The following RIC8A variants were observed in gnomAD, a reference collection of about 807,000 sequenced individuals.
RIC8A encodes RIC8 guanine nucleotide exchange factor A.
Under a neutral mutation model 48.4 loss-of-function variants are expected in RIC8A, and 37 were observed. That is an observed-to-expected ratio of 0.77 (90% CI 0.59 to 1.01). The LOEUF (loss-of-function observed/expected upper bound fraction) is 1.01, where lower values mean the gene tolerates loss of function less well. Among genes scored for constraint, RIC8A ranks in the 50% least tolerant of loss-of-function variants. The pLI is 0.00. For missense variants in RIC8A, 681 were observed against 696.8 expected (o/e 0.98, Z 0.25); for synonymous variants, 288 against 283.4 (o/e 1.02, Z -0.16).
In RIC8A at chr11:211,186, C is replaced by A. The variant is rs761403818; in HGVS notation, c.819-13C>A. 2 of 1,609,568 alleles carry A rather than the reference C, an allele frequency of 1.2e-6. No homozygotes were observed. The highest frequency in any genetic ancestry group is 1.1e-5 in the South Asian group (1 of 90,476). ...TTAGCCCTGTTGAAACCCCTACCTC[C>A]ATCTGTCCCCAGCCACGCAGTGAAC... On this transcript the variant is annotated splice_polypyrimidine_tract_variant and intron_variant, in intron 4 of 9. Coordinates refer to ENST00000526104, the MANE Select transcript of RIC8A (RefSeq NM_001286134.2). This position sits in a 1 kb window ranked among gnomAD's most constrained non-coding sequence, Gnocchi z 4.0.
chr11:212,299 T>A, intron 5 of RIC8A, 117 bp from the exon 6 acceptor site: 1 of 1,031,068 alleles, frequency 9.7e-7, no homozygotes. Context: ...CCCAAACCTC[T>A]GCCGCCAGGA....
Position 211,591 on chromosome 11 carries a change from G to C in RIC8A, c.969+242G>C. 4.5e-6 allele frequency: 2 copies of C among 444,650 alleles called. No individual in the cohort carries two copies. The highest frequency in any genetic ancestry group is 8.0e-6 in the Non-Finnish European group (2 of 248,700). The allele number at this position is 444,650 out of a possible 1,614,324, so 27.5% of individuals were successfully genotyped here. ...AGGTTTCACTTCTTAAATCTTTGGG[G>C]ATCTTTACTGAGTGGTCCAGAGAAG... On this transcript the variant is annotated intron_variant, in intron 5 of 9. Coordinates refer to ENST00000526104, the MANE Select transcript of RIC8A (RefSeq NM_001286134.2). This position sits in a 1 kb window ranked among gnomAD's most constrained non-coding sequence, Gnocchi z 4.0.
chr11:213,822 C>T, intron 9 of RIC8A: 2 of 247,470 alleles, frequency 8.1e-6, no homozygotes, highest in Non-Finnish European at 1.6e-5. Context: ...TGGTGGGCGC[C>T]TGTAGTCCCA....
chr11:211,156 A>T lies in RIC8A; in HGVS notation c.819-43A>T, dbSNP rs751260324. 2.5e-6 allele frequency: 4 copies of T among 1,578,006 alleles called. No individual in the cohort carries two copies. In the South Asian group the frequency reaches 4.6e-5, roughly 18 times the overall value. On this transcript the variant is annotated intron_variant, in intron 4 of 9. Coordinates refer to ENST00000526104, the MANE Select transcript of RIC8A (RefSeq NM_001286134.2). This position sits in a 1 kb window ranked among gnomAD's most constrained non-coding sequence, Gnocchi z 4.0. ...AGTCACAAAGATTGCACCTGTGCTCAGGGATTAGCCCTGTTGAAACCCCTA... is the reference window on the plus strand; with the variant it reads ...AGTCACAAAGATTGCACCTGTGCTCTGGGATTAGCCCTGTTGAAACCCCTA...
rs1227775581 is a variant in RIC8A at position 208,617 on chromosome 11, C to A, written c.-238C>A. On this transcript the variant is annotated 5_prime_UTR_variant, in exon 1 of 10. Coordinates refer to ENST00000526104, the MANE Select transcript of RIC8A (RefSeq NM_001286134.2). The surrounding 1 kb of genome is among the most constrained non-coding windows in gnomAD (Gnocchi z 4.8). ...CACAAGGAGAGGGGTCAGTTCGGTT[C>A]AGAGCGACTCAGCCCCTCGACTCGG... 1 of 448,260 alleles carries A rather than the reference C, an allele frequency of 2.2e-6. No homozygotes were observed. The highest frequency in any genetic ancestry group is 2.1e-5 in the African/African-American group (1 of 47,466). The allele number at this position is 448,260 out of a possible 1,614,324, so 27.8% of individuals were successfully genotyped here. A position where few individuals can be genotyped will look rare whatever the true frequency, so the allele number is the denominator to read the frequency against.
In RIC8A at chr11:208,795, C is replaced by A; in HGVS notation, c.-60C>A. The A allele has an allele frequency of 2.1e-6, 3 of 1,437,982 alleles. No homozygotes were observed. Among genetic ancestry groups the A allele is most frequent in the Non-Finnish European group, 1.9e-6 (2 of 1,048,944 alleles). The allele number at this position is 1,437,982 out of a possible 1,614,324, so 89.1% of individuals were successfully genotyped here. A position where few individuals can be genotyped will look rare whatever the true frequency, so the allele number is the denominator to read the frequency against. ...CGGGGCTTTCTGGGCCAGGGCGGGG[C>A]CGGCGAACTGCGGCCCGGAACGGCT... On this transcript the variant is annotated 5_prime_UTR_variant, in exon 1 of 10. Coordinates refer to ENST00000526104, the MANE Select transcript of RIC8A (RefSeq NM_001286134.2). This position sits in a 1 kb window ranked among gnomAD's most constrained non-coding sequence, Gnocchi z 4.8.
At chr11:210,415 A>G (rs1855325113) in intron 3 of RIC8A, 156 bp from the exon 4 acceptor site, 1 of 779,938 alleles carries the variant, frequency 1.3e-6, no homozygotes, top group African/African-American at 1.7e-5. Context: ...AGCACTACCC[A>G]GAGTCACCTA....
chr11:210,294 G>C (rs1431970467), intron 3 of RIC8A: 1 of 691,336 alleles, frequency 1.4e-6, no homozygotes, highest in East Asian at 2.7e-5. Flanking sequence ...GGCTGAGACA[G>C]AGTGTGACTT....
chr11:212,580 T>A, intron 6 of RIC8A, 35 bp from the exon 7 acceptor site: 3 of 1,613,358 alleles, frequency 1.9e-6, no homozygotes, highest in Admixed American at 1.7e-5. Flanking sequence ...CCTTGGCTGC[T>A]CTAAGCCCAA....
Position 209,719 on chromosome 11 carries a change from G to C in RIC8A, c.445G>C (p.Gly149Arg). 6.2e-7 allele frequency: 1 copy of C among 1,614,022 alleles called. No homozygotes were observed. Among genetic ancestry groups the C allele is most frequent in the Non-Finnish European group, 8.5e-7 (1 of 1,180,026 alleles). ...RLVVKLTERVGLYRERSFPHD... is the reference protein window; with the variant it reads ...RLVVKLTERVRLYRERSFPHD... ...AGTGGTGAAGCTCACAGAGCGTGTG[G>C]GGCTGTACCGTGAGAGGAGCTTCCC... Residue 149 changes from glycine (G) to arginine (R), a missense_variant, in exon 3 of 10, where the codon GGG (glycine) becomes CGG (arginine). Physicochemically the swap from Gly to Arg is moderately radical, Grantham distance 125. Coordinates refer to ENST00000526104, the MANE Select transcript of RIC8A (RefSeq NM_001286134.2).
Position 209,476 on chromosome 11 carries a change from CAG to C in RIC8A, c.205_206del (p.Ser69CysfsTer28). 6.2e-7 allele frequency: 1 copy of C among 1,609,370 alleles called. No individual in the cohort carries two copies. The highest frequency in any genetic ancestry group is 8.5e-7 in the Non-Finnish European group (1 of 1,176,216). On this transcript the variant is annotated frameshift_variant, in exon 3 of 10. Transcript: ENST00000526104. LOFTEE classifies it high-confidence loss of function. ...LPPSHRVIWLQSVRILSRDRN... is the reference protein window; with the variant it reads ...LPPSHRVIWLXSVRILSRDRN... Reference sequence around the variant, plus strand: ...ACCCTCCCACCGTGTCATCTGGCTGCAGAGTGTCCGAATCCTGTCCCGGGACC... The same window carrying C: ...ACCCTCCCACCGTGTCATCTGGCTGCAGTGTCCGAATCCTGTCCCGGGACC...
intron 9 of RIC8A, 53 bp from the exon 10 acceptor site, chr11:214,177 C>T: frequency 6.3e-7 from 1 of 1,589,842 alleles, no homozygotes; most frequent in Middle Eastern, 1.7e-4. Flanking sequence ...AGTAGGACCC[C>T]TGCCTGGCCA....
Position 211,779 on chromosome 11 carries a change from A to G in RIC8A, c.969+430A>G, listed in dbSNP as rs1469047385. On this transcript the variant is annotated intron_variant, in intron 5 of 9. Coordinates refer to ENST00000526104, the MANE Select transcript of RIC8A (RefSeq NM_001286134.2). The surrounding 1 kb of genome is among the most constrained non-coding windows in gnomAD (Gnocchi z 4.0). Reference sequence around the variant, plus strand: ...CATCTGGACAGCTGGGGCTCTAACCATCTTCCAGGAGCTTGCAGAAAGCAG... The same window carrying G: ...CATCTGGACAGCTGGGGCTCTAACCGTCTTCCAGGAGCTTGCAGAAAGCAG... 2 of 162,646 alleles carry G rather than the reference A, an allele frequency of 1.2e-5. No homozygotes were observed. Among genetic ancestry groups the G allele is most frequent in the African/African-American group, 2.4e-5 (1 of 41,600 alleles). The allele number at this position is 162,646 out of a possible 1,614,324, so 10.1% of individuals were successfully genotyped here. A position where few individuals can be genotyped will look rare whatever the true frequency, so the allele number is the denominator to read the frequency against.
chr11:214,151 G>A (rs1855463469), intron 9 of RIC8A, 79 bp from the exon 10 acceptor site: 1 of 1,508,436 alleles, frequency 6.6e-7, no homozygotes, highest in African/African-American at 1.4e-5. Context: ...AGAGAGGAAG[G>A]TAGCAGCCAC....
In RIC8A at chr11:213,241, G is replaced by C. The variant is rs1855415363; in HGVS notation, c.1356-58G>C. Reference sequence around the variant, plus strand: ...ACCCCACTGGGAAAATAGGTGGCTTGCCTCCTGTCCTGGAGAGTCACTAAT... The same window carrying C: ...ACCCCACTGGGAAAATAGGTGGCTTCCCTCCTGTCCTGGAGAGTCACTAAT... On this transcript the variant is annotated intron_variant, in intron 8 of 9. Coordinates refer to ENST00000526104, the MANE Select transcript of RIC8A (RefSeq NM_001286134.2). 3.4e-5 allele frequency: 54 copies of C among 1,600,564 alleles called. 1 individual carries two copies. The South Asian group carries it at 5.8e-4, about 17-fold the overall frequency.
chr11:212,436 T>A lies in RIC8A; in HGVS notation c.990T>A (p.Ser330Arg). Residue 330 changes from serine (S) to arginine (R), a missense_variant, in exon 6 of 10, where the codon AGT becomes AGA. Transcript: ENST00000526104. ...TACAGACACACAGGCTGAAGGAGAG[T>A]GTAGCTCCCGTGCTGAGCGTGCTGA... The part of the protein sequence containing the change: ...RLHKTHRLKE[S>R]VAPVLSVLTE... The A allele has an allele frequency of 6.2e-7, 1 of 1,613,538 alleles. No homozygotes were observed. Among genetic ancestry groups the A allele is most frequent in the Non-Finnish European group, 8.5e-7 (1 of 1,179,846 alleles).
intron 1 of RIC8A, 119 bp downstream of exon 1, chr11:209,057 C>T (rs1855271817): frequency 2.0e-6 from 2 of 1,015,140 alleles, no homozygotes; most frequent in Non-Finnish European, 3.0e-6. Flanking sequence ...GGGGACGCGG[C>T]GGGGTGCGGG....
rs1157763527 is a variant in RIC8A at position 208,479 on chromosome 11, C to G, written c.-376C>G. 1.0e-5 allele frequency: 2 copies of G among 197,646 alleles called. No individual in the cohort carries two copies. Among genetic ancestry groups the G allele is most frequent in the Non-Finnish European group, 2.0e-5 (2 of 98,990 alleles). The allele number at this position is 197,646 out of a possible 1,614,324, so 12.2% of individuals were successfully genotyped here. On this transcript the variant is annotated 5_prime_UTR_variant, in exon 1 of 10. Transcript: ENST00000526104. The surrounding 1 kb of genome is among the most constrained non-coding windows in gnomAD (Gnocchi z 4.8). Reference sequence around the variant, plus strand: ...AATTCCTTTCCACTTCGGCTTTCCCCTCTACATCCCATCGGTTCTGTGGAG... The same window carrying G: ...AATTCCTTTCCACTTCGGCTTTCCCGTCTACATCCCATCGGTTCTGTGGAG...
chr11:208,816 CGGCTGAGGAAG>C lies in RIC8A; in HGVS notation c.-35_-25del, dbSNP rs764060487. On this transcript the variant is annotated 5_prime_UTR_variant, in exon 1 of 10. Coordinates refer to ENST00000526104, the MANE Select transcript of RIC8A (RefSeq NM_001286134.2). The surrounding 1 kb of genome is among the most constrained non-coding windows in gnomAD (Gnocchi z 4.8). ...GGGGCCGGCGAACTGCGGCCCGGAA[CGGCTGAGGAAG>C]GGCCCGTCCCGCCTTCCCCGGCGCG... 2.6e-6 allele frequency: 4 copies of C among 1,564,000 alleles called. No homozygotes were observed. Among genetic ancestry groups the C allele is most frequent in the Non-Finnish European group, 3.5e-6 (4 of 1,149,010 alleles).
Sources: allele counts gnomAD v4.1 joint callset, GRCh38; gene constraint gnomAD v4.1.1; non-coding constraint Gnocchi (gnomAD v3.1); transcripts MANE v1.5; gene names NCBI Gene and HGNC (gene_info 2026-07-23, HGNC 2026-07-21).